SH3BP4: variants seen among roughly 807,000 people sequenced by gnomAD.
SH3BP4 encodes the protein SH3 domain binding protein 4, also known as SH3 domain-binding protein 4.
A neutral mutation model predicts 65.5 loss-of-function variants in SH3BP4; 33 were observed. The ratio of observed to expected loss-of-function variants is 0.50; its 90% CI spans 0.38 to 0.67. The LOEUF (loss-of-function observed/expected upper bound fraction) is 0.67, where lower values mean the gene tolerates loss of function less well. Ranked by LOEUF, SH3BP4 falls within the 30% of genes least tolerant of loss-of-function variation. The pLI, the probability that SH3BP4 is intolerant of heterozygous loss-of-function variation, is 0.00. For missense variants in SH3BP4, 1,134 were observed against 1,261.4 expected (o/e 0.90, Z 1.53); for synonymous variants, 552 against 545.5 (o/e 1.01, Z -0.17).
In SH3BP4 at chr2:234,974,566, T is replaced by C. The variant is rs901265555; in HGVS notation, c.-206-20737T>C. On this transcript the variant is annotated intron_variant, in intron 1 of 5. Transcript: ENST00000392011. The surrounding 1 kb of genome is among the most constrained non-coding windows in gnomAD (Gnocchi z 4.6). ...CACTTGGAAGCCCAGAAAAAGCTTCTGTGTTTAGCCCTTCAGTTTCTTGCC... is the reference window on the plus strand; with the variant it reads ...CACTTGGAAGCCCAGAAAAAGCTTCCGTGTTTAGCCCTTCAGTTTCTTGCC... 1.3e-5 allele frequency among the ~76,000 whole-genome samples: 2 copies of C among 152,164 alleles called. No homozygotes were observed. The highest frequency in any genetic ancestry group is 4.8e-5 in the African/African-American group (2 of 41,454).
intron 2 of SH3BP4, among the ~76,000 whole-genome samples, chr2:235,018,155 A>G (rs1032328277): frequency 6.6e-6 from 1 of 152,168 alleles, no homozygotes; most frequent in African/African-American, 2.4e-5. Context: ...AGGTTGCAGG[A>G]GGAAGAAAGT....
chr2:235,030,517 G>A lies in SH3BP4; in HGVS notation c.-132-4354G>A, dbSNP rs546901166. 7.2e-5 allele frequency among the ~76,000 whole-genome samples: 11 copies of A among 152,262 alleles called. No homozygotes were observed. The highest frequency in any genetic ancestry group is 5.8e-4 in the East Asian group (3 of 5,174). On this transcript the variant is annotated intron_variant, in intron 2 of 5. Coordinates refer to ENST00000392011, the MANE Select transcript of SH3BP4 (RefSeq NM_014521.3). This position sits in a 1 kb window ranked among gnomAD's most constrained non-coding sequence, Gnocchi z 4.1. ...AAGGGGAGGACACATAACCGTCAGC[G>A]TCCACGTCTGTTGTTAGATGCCGTT...
At chr2:235,028,148 A>G (rs935826707) in intron 2 of SH3BP4, among the ~76,000 whole-genome samples, 1 of 152,214 alleles carries the variant, frequency 6.6e-6, no homozygotes, top group Admixed American at 6.5e-5. Flanking sequence ...GGAAAAACTT[A>G]TCAGTTATGA....
chr2:235,050,709 C>T (rs1696020445), intron 4 of SH3BP4, among the ~76,000 whole-genome samples: 1 of 152,050 alleles, frequency 6.6e-6, no homozygotes, highest in Non-Finnish European at 1.5e-5. Context: ...CATTAGAATG[C>T]TCAGTCTAAA....
chr2:235,042,632 G>T lies in SH3BP4; in HGVS notation c.1863G>T (p.Gly621=). The change falls in exon 4 of 6, where the codon GGG becomes GGT. Residue 621 remains glycine, a synonymous_variant. Coordinates refer to ENST00000392011, the MANE Select transcript of SH3BP4 (RefSeq NM_014521.3). This position sits in a 1 kb window ranked among gnomAD's most constrained non-coding sequence, Gnocchi z 7.3. ...CTAAAAGTGCCATCAAGCCTTCCGG[G>T]CAAAGGAGGTTTCTCAAGAAGAACG... ...PPPKSAIKPS[G]QRRFLKKNEV... The T allele has an allele frequency of 6.2e-7, 1 of 1,614,092 alleles. No individual in the cohort carries two copies. Among genetic ancestry groups the T allele is most frequent in the Non-Finnish European group, 8.5e-7 (1 of 1,180,030 alleles).
intron 2 of SH3BP4, among the ~76,000 whole-genome samples, chr2:235,017,632 C>T (rs976083226): frequency 6.6e-6 from 1 of 152,070 alleles, no homozygotes; most frequent in African/African-American, 2.4e-5. Context: ...GCTTTATCGA[C>T]ATGAGTGAGC....
intron 1 of SH3BP4, among the ~76,000 whole-genome samples, chr2:234,972,898 C>A (rs1288319650): frequency 1.3e-5 from 2 of 152,122 alleles, no homozygotes; most frequent in Non-Finnish European, 2.9e-5. Context: ...TTTACCTTTG[C>A]AGATTGTTGA....
intron 2 of SH3BP4, among the ~76,000 whole-genome samples, chr2:235,000,679 T>C (rs1694070898): frequency 7.9e-5 from 12 of 152,302 alleles, no homozygotes. Flanking sequence ...GAATCTCCTT[T>C]CCACTCTGTT....
chr2:234,998,133 T>A (rs1460107760), intron 2 of SH3BP4, among the ~76,000 whole-genome samples: 1 of 151,552 alleles, frequency 6.6e-6, no homozygotes, highest in East Asian at 1.9e-4. Flanking sequence ...CAAAAAAAAA[T>A]AAAAAATAAA....
intron 2 of SH3BP4, among the ~76,000 whole-genome samples, chr2:235,022,177 A>C (rs1242378519): frequency 1.3e-5 from 2 of 152,232 alleles, no homozygotes; most frequent in African/African-American, 4.8e-5. Flanking sequence ...TGGGGGAGAT[A>C]TTTGCAGCCG....
Position 235,045,922 on chromosome 2 carries a change from A to C in SH3BP4, c.2478+2675A>C, listed in dbSNP as rs188826396. 6.6e-6 allele frequency among the ~76,000 whole-genome samples: 1 copy of C among 152,190 alleles called. No homozygotes were observed. The highest frequency in any genetic ancestry group is 1.5e-5 in the Non-Finnish European group (1 of 68,038). ...TGAGAGTTTGAGACAGTCAGTGTGC[A>C]GGGAGATGGGAAGGAAAAAGGAGTC... is the stretch of plus-strand genomic sequence containing the variant. On this transcript the variant is annotated intron_variant, in intron 4 of 5. Transcript: ENST00000392011. The surrounding 1 kb of genome is among the most constrained non-coding windows in gnomAD (Gnocchi z 4.3).
chr2:234,967,830 C>T lies in SH3BP4; in HGVS notation c.-207+15660C>T, dbSNP rs532149801. 3.3e-5 allele frequency among the ~76,000 whole-genome samples: 5 copies of T among 152,228 alleles called. No individual in the cohort carries two copies. Among genetic ancestry groups the T allele is most frequent in the South Asian group, 2.1e-4 (1 of 4,818 alleles). ...CCAGGATCCCTGCCACCCTGAGTGG[C>T]GGATGCTGCAGAGACAACTCTTTAT... On this transcript the variant is annotated intron_variant, in intron 1 of 5. Coordinates refer to ENST00000392011, the MANE Select transcript of SH3BP4 (RefSeq NM_014521.3). This position sits in a 1 kb window ranked among gnomAD's most constrained non-coding sequence, Gnocchi z 4.6.
chr2:235,001,883 T>C (rs976559608), intron 2 of SH3BP4, among the ~76,000 whole-genome samples: 5 of 152,176 alleles, frequency 3.3e-5, no homozygotes, highest in African/African-American at 9.7e-5. Flanking sequence ...TTTTTTGACA[T>C]GGAGTCTTAC....
At chr2:234,959,665 T>A (rs2106239627) in intron 1 of SH3BP4, among the ~76,000 whole-genome samples, 1 of 151,954 alleles carries the variant, frequency 6.6e-6, no homozygotes, top group East Asian at 1.9e-4. Flanking sequence ...TTTTTTTTTT[T>A]TTTTTTGAGA....
At chr2:235,019,875 A>T (rs1272731064) in intron 2 of SH3BP4, among the ~76,000 whole-genome samples, 3 of 90,670 alleles carry the variant, frequency 3.3e-5, no homozygotes, top group South Asian at 7.1e-4. Flanking sequence ...AAGATTCTTA[A>T]AAAAAAAAAA....
intron 2 of SH3BP4, among the ~76,000 whole-genome samples, chr2:235,011,925 G>T (rs1030811179): frequency 6.6e-6 from 1 of 152,212 alleles, no homozygotes; most frequent in African/African-American, 2.4e-5. Context: ...CTGGGTGGGG[G>T]ATGGGATTCT....
intron 4 of SH3BP4, among the ~76,000 whole-genome samples, chr2:235,047,762 G>A (rs1464208961): frequency 5.3e-5 from 8 of 152,208 alleles, no homozygotes; most frequent in African/African-American, 1.4e-4. Context: ...CCATAAGAAC[G>A]AAGCCGTGGG....
chr2:234,993,576 G>A lies in SH3BP4; in HGVS notation c.-206-1727G>A, dbSNP rs74333185. Among the ~76,000 whole-genome samples, 24 of 152,290 alleles carry A rather than the reference G, an allele frequency of 1.6e-4. No homozygotes were observed. The East Asian group carries it at 3.1e-3, about 20-fold the overall frequency. ...CGGTAGAGGAAATGGGAGAAGTTGCGGAAGTCTGAAAAAGGCAGGGACATA... is the reference window on the plus strand; with the variant it reads ...CGGTAGAGGAAATGGGAGAAGTTGCAGAAGTCTGAAAAAGGCAGGGACATA... On this transcript the variant is annotated intron_variant, in intron 1 of 5. Transcript: ENST00000392011.
intron 2 of SH3BP4, among the ~76,000 whole-genome samples, chr2:235,023,959 G>A (rs1312161816): frequency 6.6e-6 from 1 of 152,146 alleles, no homozygotes; most frequent in Non-Finnish European, 1.5e-5. Flanking sequence ...CTAAAGACGG[G>A]TATATTGAGG....
Sources: gnomAD v4.1 joint callset for allele counts (sites outside exome capture counted in the v4.1 genomes callset) on GRCh38, gnomAD v4.1.1 for gene constraint, Gnocchi (gnomAD v3.1) non-coding constraint, MANE v1.5 for transcripts, NCBI Gene and HGNC (gene_info 2026-07-23, HGNC 2026-07-21) for gene names.